ANO6: variants seen among roughly 807,000 people sequenced by gnomAD.
ANO6 encodes the protein anoctamin 6.
A neutral mutation model predicts 117.5 loss-of-function variants in ANO6; 106 were observed. That is an observed-to-expected ratio of 0.90 (90% confidence interval 0.77 to 1.06). ANO6 has a LOEUF of 1.06. Among genes scored for constraint, ANO6 ranks in the 50% least tolerant of loss-of-function variants. The probability of loss-of-function intolerance (pLI) is 0.00; values close to 1 mark genes in which losing one functional copy is unlikely to be tolerated. For missense variants in ANO6, 955 were observed against 1,121.1 expected (o/e 0.85, Z 2.12); for synonymous variants, 367 against 385.1 (o/e 0.95, Z 0.55).
chr12:45,327,481 A>G (rs1940509145), intron 2 of ANO6, among the ~76,000 whole-genome samples: 2 of 152,224 alleles, frequency 1.3e-5, no homozygotes, highest in South Asian at 4.1e-4. Context: ...AAAGATGCTC[A>G]TTGCAGCAGT....
chr12:45,320,276 A>C (rs1940212675), intron 2 of ANO6, among the ~76,000 whole-genome samples: 1 of 151,496 alleles, frequency 6.6e-6, no homozygotes, highest in Non-Finnish European at 1.5e-5. Context: ...ATTTCCCTCT[A>C]TGCACTGCTT....
intron 1 of ANO6, among the ~76,000 whole-genome samples, chr12:45,245,945 C>CAA (rs560906864): frequency 0.059 from 5,969 of 100,714 alleles, 370 homozygotes; most frequent in African/African-American, 0.17. Context: ...ACATTTTAGT[C>CAA]AAAAAAAAAA....
chr12:45,347,094 A>G lies in ANO6; in HGVS notation c.345+7A>G. ...GTTAGAAGCAACAAGATCAGTAAGT[A>G]CTGGTCCCTTTTCAGCCCTCGGCTG... On this transcript the variant is annotated splice_region_variant and intron_variant, in intron 4 of 19. Coordinates refer to ENST00000320560, the MANE Select transcript of ANO6 (RefSeq NM_001025356.3). The G allele has an allele frequency of 6.2e-7, 1 of 1,613,956 alleles. No individual in the cohort carries two copies. The highest frequency in any genetic ancestry group is 8.5e-7 in the Non-Finnish European group (1 of 1,179,890).
intron 19 of ANO6, among the ~76,000 whole-genome samples, chr12:45,425,936 C>A (rs1943489800): frequency 6.6e-6 from 1 of 152,140 alleles, no homozygotes; most frequent in Non-Finnish European, 1.5e-5. Context: ...ACTTAACATC[C>A]TTATTAGGCT....
chr12:45,238,479 A>G (rs973506546), intron 1 of ANO6, among the ~76,000 whole-genome samples: 3 of 152,066 alleles, frequency 2.0e-5, no homozygotes, highest in African/African-American at 7.2e-5. Context: ...ATATACAATC[A>G]TGTCATCTAC....
At chr12:45,411,853 C>T (rs930418634) in intron 16 of ANO6, among the ~76,000 whole-genome samples, 4 of 152,194 alleles carry the variant, frequency 2.6e-5, no homozygotes, top group Non-Finnish European at 5.9e-5. Flanking sequence ...ACGCTCTGTG[C>T]CTGCCTCTCT....
chr12:45,439,630 A>G (rs1232634928), intron 19 of ANO6: 5 of 1,365,826 alleles, frequency 3.7e-6, no homozygotes, highest in Non-Finnish European at 4.7e-6. Context: ...CAGAGTATTC[A>G]AGATATGATT....
At chr12:45,374,336 C>T (rs1474430483) in intron 9 of ANO6, among the ~76,000 whole-genome samples, 1 of 74,984 alleles carries the variant, frequency 1.3e-5, no homozygotes, top group Non-Finnish European at 2.6e-5. Flanking sequence ...AGAGGGAATC[C>T]TCCCTAACTC....
At chr12:45,259,665 G>A (rs1163450502) in intron 1 of ANO6, among the ~76,000 whole-genome samples, 1 of 152,116 alleles carries the variant, frequency 6.6e-6, no homozygotes, top group Non-Finnish European at 1.5e-5. Context: ...CTCTTTATTT[G>A]CTCCAACTAA....
chr12:45,256,194 G>A (rs1467110533), intron 1 of ANO6, among the ~76,000 whole-genome samples: 1 of 152,094 alleles, frequency 6.6e-6, no homozygotes, highest in Admixed American at 6.6e-5. Flanking sequence ...ACATGCCCAT[G>A]TGTATACACA....
intron 2 of ANO6, among the ~76,000 whole-genome samples, chr12:45,317,280 C>T (rs1385941695): frequency 4.9e-5 from 4 of 81,588 alleles, no homozygotes; most frequent in Admixed American, 1.5e-4. Flanking sequence ...CCTCCCCCCA[C>T]CCCACAACAG....
intron 1 of ANO6, among the ~76,000 whole-genome samples, chr12:45,246,459 A>C (rs1023823331): frequency 1.3e-5 from 2 of 152,218 alleles, no homozygotes; most frequent in Non-Finnish European, 1.5e-5. Context: ...GCGAGGAAAG[A>C]GCAATGGAGC....
At chr12:45,439,709 G>T (rs1026544790) in exon 20 of ANO6, 17 of 1,531,240 alleles carry the variant, frequency 1.1e-5, no homozygotes, top group Admixed American at 2.0e-5. Flanking sequence ...GGACACAGTG[G>T]CATGATCTTG....
chr12:45,392,463 A>T (rs1178904448), intron 12 of ANO6, among the ~76,000 whole-genome samples: 1 of 152,362 alleles, frequency 6.6e-6, no homozygotes, highest in African/African-American at 2.4e-5. Context: ...GCAGACTTAA[A>T]TGTCCCTGTC....
In ANO6 at chr12:45,430,039, C is replaced by CTGCTT; in HGVS notation, c.*732_*736dup. On this transcript the variant is annotated 3_prime_UTR_variant, in exon 20 of 20. Coordinates refer to ENST00000320560, the MANE Select transcript of ANO6 (RefSeq NM_001025356.3). ...AGGTTCCGTGCCTAATCAATGTTGA[C>CTGCTT]TGCTTTGCAGATCTCAAGGGAATAA... 1.0e-6 allele frequency: 1 copy of CTGCTT among 985,482 alleles called. No homozygotes were observed. Among genetic ancestry groups the CTGCTT allele is most frequent in the Non-Finnish European group, 1.2e-6 (1 of 829,968 alleles). The allele number at this position is 985,482 out of a possible 1,614,324, so 61.0% of individuals were successfully genotyped here.
At chr12:45,302,468 C>T (rs1939527241) in intron 2 of ANO6, among the ~76,000 whole-genome samples, 1 of 152,094 alleles carries the variant, frequency 6.6e-6, no homozygotes, top group Non-Finnish European at 1.5e-5. Flanking sequence ...TTGACCAGTG[C>T]CAGTCACTGG....
chr12:45,392,104 A>G (rs1372755946), intron 12 of ANO6, among the ~76,000 whole-genome samples: 1 of 152,134 alleles, frequency 6.6e-6, no homozygotes, highest in Non-Finnish European at 1.5e-5. Context: ...TAGCCAAGGG[A>G]AGCCGTGACA....
chr12:45,301,122 A>C (rs933350826), intron 1 of ANO6, among the ~76,000 whole-genome samples: 3 of 152,238 alleles, frequency 2.0e-5, no homozygotes, highest in Non-Finnish European at 4.4e-5. Flanking sequence ...GCTAAGACTT[A>C]ACACAAAAGA....
chr12:45,332,792 A>C lies in ANO6; in HGVS notation c.279+1369A>C, dbSNP rs148902672. On this transcript the variant is annotated intron_variant, in intron 3 of 19. Transcript: ENST00000320560. ...CTCCCGGGTCATCCCGAATATCAAC[A>C]TAGATAAATGGTAGATAAGATGAAG... Among the ~76,000 whole-genome samples, 1,243 of 152,178 alleles carry C rather than the reference A, an allele frequency of 8.2e-3. 9 individuals are homozygous for C. Among genetic ancestry groups the C allele is most frequent in the Non-Finnish European group, 0.014 (938 of 67,986 alleles).
Sources: allele counts gnomAD v4.1 joint callset (sites outside exome capture counted in the v4.1 genomes callset), GRCh38; gene constraint gnomAD v4.1.1; transcripts MANE v1.5; gene names NCBI Gene and HGNC (gene_info 2026-07-23, HGNC 2026-07-21).